Variants in CCSER2 observed in about 807,000 individuals in gnomAD.
CCSER2 encodes serine-rich coiled-coil domain-containing protein 2.
A neutral mutation model predicts 92.3 loss-of-function variants in CCSER2; 46 were observed. The ratio of observed to expected loss-of-function variants is 0.50; its 90% CI spans 0.39 to 0.64. The LOEUF is 0.64. Among genes scored for constraint, CCSER2 ranks in the 30% least tolerant of loss-of-function variants. The probability of loss-of-function intolerance (pLI) is 0.00; values close to 1 mark genes in which losing one functional copy is unlikely to be tolerated. For missense variants in CCSER2, 1,244 were observed against 1,238.9 expected (o/e 1.00, Z -0.06); for synonymous variants, 433 against 431.4 (o/e 1.00, Z -0.04).
At chr10:84,360,052 G>A (rs1845414388) in intron 1 of CCSER2, among the ~76,000 whole-genome samples, 3 of 152,130 alleles carry the variant, frequency 2.0e-5, no homozygotes, top group Admixed American at 2.0e-4. Flanking sequence ...GACCTCAGGT[G>A]ATCACCTGTC....
At chr10:84,433,705 G>C (rs1843926876) in intron 5 of CCSER2, among the ~76,000 whole-genome samples, 1 of 152,182 alleles carries the variant, frequency 6.6e-6, no homozygotes, top group African/African-American at 2.4e-5. Flanking sequence ...TTCTGCTACT[G>C]TATGTGAATT....
chr10:84,348,901 A>G (rs1844705495), intron 1 of CCSER2, among the ~76,000 whole-genome samples: 1 of 152,168 alleles, frequency 6.6e-6, no homozygotes, highest in Non-Finnish European at 1.5e-5. Flanking sequence ...GAATAGGTAT[A>G]TATATGTTTA....
Position 84,371,123 on chromosome 10 carries a change from G to C in CCSER2, c.71G>C (p.Arg24Thr). 1 of 1,612,108 alleles carries C rather than the reference G, an allele frequency of 6.2e-7. No homozygotes were observed. Among genetic ancestry groups the C allele is most frequent in the Non-Finnish European group, 8.5e-7 (1 of 1,179,414 alleles). ...KLPKYGTKSV[R>T]STLQPMPNGT... is the part of the protein sequence containing the mutation. The stretch of plus-strand genomic sequence containing the variant: ...CCAAAGTATGGAACAAAATCTGTAA[G>C]AAGTACATTGCAGCCAATGCCAAAT... The change falls in exon 2 of 10, where the codon AGA (arginine) becomes ACA (threonine). Residue 24 changes from arginine (R) to threonine (T), a missense_variant. Physicochemically the swap from Arg to Thr is moderately conservative, Grantham distance 71. Coordinates refer to ENST00000372088, the MANE Select transcript of CCSER2 (RefSeq NM_001284240.2).
intron 1 of CCSER2, among the ~76,000 whole-genome samples, chr10:84,338,850 CAGTTATAGCACTTT>C (rs1843999025): frequency 6.6e-6 from 1 of 152,128 alleles, no homozygotes; most frequent in African/African-American, 2.4e-5. Flanking sequence ...GCACATATTA[CAGTTATAGCACTTT>C]ATATGCCTCT....
At chr10:84,416,477 T>A (rs997615105) in intron 3 of CCSER2, among the ~76,000 whole-genome samples, 2 of 152,140 alleles carry the variant, frequency 1.3e-5, no homozygotes, top group African/African-American at 2.4e-5. Context: ...GAAAAAAAAA[T>A]TTCCAGAGAT....
At chr10:84,363,642 G>C (rs1345893611) in intron 1 of CCSER2, among the ~76,000 whole-genome samples, 1 of 152,178 alleles carries the variant, frequency 6.6e-6, no homozygotes, top group Non-Finnish European at 1.5e-5. Context: ...TGAGGTAATG[G>C]ATATGAAAGG....
chr10:84,373,785 G>C lies in CCSER2; in HGVS notation c.1584G>C (p.Gly528=), dbSNP rs749627618. The C allele has an allele frequency of 1.5e-5, 25 of 1,613,558 alleles. No homozygotes were observed. The highest frequency in any genetic ancestry group is 1.9e-5 in the Non-Finnish European group (23 of 1,179,722). The stretch of plus-strand genomic sequence containing the variant: ...CCATTGGAAATGTCCATCCAGTTGG[G>C]AGCTATGAGTCCTCTGAAATGAACA... The part of the protein sequence containing the change: ...LEPIGNVHPV[G]SYESSEMNSI... Residue 528 remains glycine, a synonymous_variant, in exon 3 of 10, where the codon GGG becomes GGC. Coordinates refer to ENST00000372088, the MANE Select transcript of CCSER2 (RefSeq NM_001284240.2).
chr10:84,425,073 T>A (rs1222303791), intron 4 of CCSER2: 1 of 965,444 alleles, frequency 1.0e-6, no homozygotes, highest in African/African-American at 1.8e-5. Context: ...TTGGGGTGTT[T>A]CAAAGAGATT....
At chr10:84,388,787 G>A (rs903325361) in intron 3 of CCSER2, among the ~76,000 whole-genome samples, 11 of 152,070 alleles carry the variant, frequency 7.2e-5, no homozygotes, top group African/African-American at 2.4e-4. Context: ...CCTCATGTGC[G>A]CAGTTCACAA....
intron 9 of CCSER2, among the ~76,000 whole-genome samples, chr10:84,485,685 G>T (rs1847763710): frequency 6.6e-6 from 1 of 152,024 alleles, no homozygotes; most frequent in Admixed American, 6.6e-5. Context: ...ATTAATTTAA[G>T]CATTTTTGAT....
chr10:84,363,817 G>A (rs868731113), intron 1 of CCSER2, among the ~76,000 whole-genome samples: 2 of 152,086 alleles, frequency 1.3e-5, no homozygotes, highest in African/African-American at 2.4e-5. Context: ...AGGCAGCATC[G>A]CTTAACGAAG....
chr10:84,419,919 T>C (rs964702043), intron 4 of CCSER2, among the ~76,000 whole-genome samples: 1 of 152,170 alleles, frequency 6.6e-6, no homozygotes, highest in Non-Finnish European at 1.5e-5. Context: ...AAAAATATTG[T>C]AGAACACAGA....
chr10:84,375,459 A>C (rs772629868), intron 3 of CCSER2, among the ~76,000 whole-genome samples: 9 of 150,598 alleles, frequency 6.0e-5, no homozygotes, highest in African/African-American at 2.2e-4. Context: ...AGGATTTACC[A>C]TTTTTGCTCT....
chr10:84,409,303 T>TAA (rs112262365), intron 3 of CCSER2, among the ~76,000 whole-genome samples: 1 of 150,684 alleles, frequency 6.6e-6, no homozygotes, highest in African/African-American at 2.4e-5. Context: ...TTTATTTATT[T>TAA]AAAAAAATTT....
intron 6 of CCSER2, among the ~76,000 whole-genome samples, chr10:84,442,263 A>G (rs1014885368): frequency 3.9e-5 from 6 of 152,192 alleles, no homozygotes; most frequent in African/African-American, 1.4e-4. Flanking sequence ...ATGGTGCTAC[A>G]TTAAAAAAAA....
chr10:84,471,053 A>G (rs1327654496), intron 8 of CCSER2, among the ~76,000 whole-genome samples: 4 of 152,210 alleles, frequency 2.6e-5, no homozygotes, highest in African/African-American at 9.6e-5. Flanking sequence ...TAAAAAGAAA[A>G]TAATGGCCTA....
At chr10:84,403,462 C>T (rs566727384) in intron 3 of CCSER2, among the ~76,000 whole-genome samples, 2 of 152,192 alleles carry the variant, frequency 1.3e-5, no homozygotes, top group African/African-American at 4.8e-5. Context: ...AAAATGTTTG[C>T]ATTGCAAAAA....
chr10:84,445,453 G>A (rs1212754665), intron 6 of CCSER2, among the ~76,000 whole-genome samples: 2 of 152,048 alleles, frequency 1.3e-5, no homozygotes, highest in Admixed American at 6.6e-5. Flanking sequence ...GCACCTGGCC[G>A]GTATCTCTTT....
chr10:84,371,389 G>A lies in CCSER2; in HGVS notation c.337G>A (p.Gly113Ser), dbSNP rs1846052090. ...GTTTGATAAAAATGGGATAAAGGGA[G>A]GTTTGAAAAGTGTTTCTTTATTCAC... ...GMFDKNGIKG[G>S]LKSVSLFTSK... The change falls in exon 2 of 10, where the codon GGT (glycine) becomes AGT (serine). Residue 113 changes from glycine (G) to serine (S), a missense_variant. By Grantham distance (56) the Gly-to-Ser change is moderately conservative (BLOSUM62 0). Coordinates refer to ENST00000372088, the MANE Select transcript of CCSER2 (RefSeq NM_001284240.2). The A allele has an allele frequency of 1.2e-6, 2 of 1,613,216 alleles. No homozygotes were observed. The highest frequency in any genetic ancestry group is 2.2e-5 in the South Asian group (2 of 90,956).
Sources: gnomAD v4.1 joint callset for allele counts (sites outside exome capture counted in the v4.1 genomes callset) on GRCh38, gnomAD v4.1.1 for gene constraint, MANE v1.5 for transcripts, NCBI Gene and HGNC (gene_info 2026-07-23, HGNC 2026-07-21) for gene names.